IGF1R: variants seen among roughly 807,000 people sequenced by gnomAD.
IGF1R encodes the protein insulin like growth factor 1 receptor.
A neutral mutation model predicts 144.6 loss-of-function variants in IGF1R; 44 were observed. That is an observed-to-expected ratio of 0.30 (90% CI 0.24 to 0.39). The LOEUF is 0.39. Ranked by LOEUF, IGF1R falls within the 10% of genes least tolerant of loss-of-function variation. The probability of loss-of-function intolerance (pLI) is 1.00; values close to 1 mark genes in which losing one functional copy is unlikely to be tolerated. For synonymous variants in IGF1R, 795 were observed against 722.8 expected (o/e 1.10, Z -1.60); for missense variants, 1,355 against 1,833.7 (o/e 0.74, Z 4.77).
chr15:98,744,229 G>C lies in IGF1R; in HGVS notation c.640+36122G>C, dbSNP rs957099043. Among the ~76,000 whole-genome samples, 14 of 152,032 alleles carry C rather than the reference G, an allele frequency of 9.2e-5. 1 individual carries two copies. The highest frequency in any genetic ancestry group is 3.4e-4 in the African/African-American group (14 of 41,392). The stretch of plus-strand genomic sequence containing the variant: ...GATCATGAGCTGTAAAGGGACCCAG[G>C]TGGCTCCAGCACAGCGAGGAAAGCA... On this transcript the variant is annotated intron_variant, in intron 2 of 20. Coordinates refer to ENST00000650285, the MANE Select transcript of IGF1R (RefSeq NM_000875.5).
At chr15:98,844,562 A>C (rs961954281) in intron 2 of IGF1R, among the ~76,000 whole-genome samples, 16 of 152,108 alleles carry the variant, frequency 1.1e-4, no homozygotes, top group African/African-American at 3.9e-4. Flanking sequence ...AGGCTTGTGT[A>C]AATGTAACTG....
At position 98,829,581 on chromosome 15, in the gene IGF1R, T is replaced by C. The variant is rs1055506036; in HGVS notation, c.641-61744T>C. On this transcript the variant is annotated intron_variant, in intron 2 of 20. Coordinates refer to ENST00000650285, the MANE Select transcript of IGF1R (RefSeq NM_000875.5). ...TCGTTTTGTGGAATAATTTTTAACA[T>C]TTCTATTTAGCATTCATGATACTCT... Among the ~76,000 whole-genome samples, 14 of 152,210 alleles carry C rather than the reference T, an allele frequency of 9.2e-5. No homozygotes were observed. The East Asian group carries it at 2.5e-3, about 27-fold the overall frequency.
chr15:98,705,722 C>T (rs779367448), intron 1 of IGF1R, among the ~76,000 whole-genome samples: 1 of 152,142 alleles, frequency 6.6e-6, no homozygotes, highest in Non-Finnish European at 1.5e-5. Context: ...TTCTTCTCTC[C>T]CTCGTCTGTT....
intron 2 of IGF1R, among the ~76,000 whole-genome samples, chr15:98,809,372 T>A (rs1596321029): frequency 6.6e-6 from 1 of 152,324 alleles, no homozygotes; most frequent in South Asian, 2.1e-4. Flanking sequence ...AGGGCTTCCT[T>A]CTGCGAAGGT....
intron 5 of IGF1R, among the ~76,000 whole-genome samples, chr15:98,905,699 G>A (rs1005485175): frequency 6.6e-6 from 1 of 151,580 alleles, no homozygotes; most frequent in Non-Finnish European, 1.5e-5. Flanking sequence ...ATTTTTAAAA[G>A]CATTCTTTGA....
intron 13 of IGF1R, among the ~76,000 whole-genome samples, chr15:98,928,848 A>G (rs1053306528): frequency 3.3e-5 from 5 of 152,060 alleles, no homozygotes; most frequent in African/African-American, 1.2e-4. Flanking sequence ...CTGTGGTCTT[A>G]GACTTGTAGC....
At chr15:98,692,531 A>C (rs1254636427) in intron 1 of IGF1R, among the ~76,000 whole-genome samples, 10 of 152,150 alleles carry the variant, frequency 6.6e-5, no homozygotes, top group Admixed American at 2.0e-4. Context: ...CTTAGTGTGC[A>C]TTTCTCTAAT....
At chr15:98,846,577 T>C (rs188716085) in intron 2 of IGF1R, among the ~76,000 whole-genome samples, 1 of 152,308 alleles carries the variant, frequency 6.6e-6, no homozygotes, top group Admixed American at 6.5e-5. Flanking sequence ...CACACGGTGA[T>C]GGTAACAGAG....
chr15:98,934,636 C>T (rs189875979), intron 15 of IGF1R, among the ~76,000 whole-genome samples, 188 bp from the exon 16 acceptor site: 112 of 152,284 alleles, frequency 7.4e-4, no homozygotes, highest in African/African-American at 2.5e-3. Flanking sequence ...CTAGTACTGA[C>T]TGTACAGTTT....
intron 8 of IGF1R, among the ~76,000 whole-genome samples, chr15:98,913,973 G>T (rs1013062620): frequency 6.6e-6 from 1 of 152,140 alleles, no homozygotes; most frequent in Non-Finnish European, 1.5e-5. Flanking sequence ...GTGTAGCCTG[G>T]GTGGCTTATA....
intron 13 of IGF1R, among the ~76,000 whole-genome samples, chr15:98,927,919 C>G (rs544725145): frequency 1.8e-3 from 267 of 152,266 alleles, no homozygotes; most frequent in African/African-American, 6.2e-3. Context: ...CCAGAGAGGT[C>G]TCAGATTCCT....
chr15:98,731,593 G>A (rs939623245), intron 2 of IGF1R, among the ~76,000 whole-genome samples: 1 of 152,222 alleles, frequency 6.6e-6, no homozygotes, highest in Non-Finnish European at 1.5e-5. Context: ...GCCTCTTCTA[G>A]GGAGGGGTGG....
At chr15:98,661,330 G>A (rs765617118) in intron 1 of IGF1R, among the ~76,000 whole-genome samples, 37 of 152,176 alleles carry the variant, frequency 2.4e-4, no homozygotes, top group Non-Finnish European at 4.1e-4. Flanking sequence ...GCCAGCTCCC[G>A]ACCTCTGGAC....
intron 13 of IGF1R, among the ~76,000 whole-genome samples, chr15:98,925,713 G>A (rs1219095617): frequency 6.6e-6 from 1 of 152,216 alleles, no homozygotes; most frequent in Non-Finnish European, 1.5e-5. Flanking sequence ...GACTAGCCTG[G>A]CCAACATGGG....
At chr15:98,708,153 C>T (rs1370371558) in intron 2 of IGF1R, 46 bp downstream of exon 2, 2 of 1,506,910 alleles carry the variant, frequency 1.3e-6, no homozygotes, top group Middle Eastern at 2.2e-4. Context: ...TCTCTCTCTC[C>T]TCTCCTCCTC....
At chr15:98,775,055 A>G (rs1281074860) in intron 2 of IGF1R, among the ~76,000 whole-genome samples, 1 of 152,114 alleles carries the variant, frequency 6.6e-6, no homozygotes, top group African/African-American at 2.4e-5. Flanking sequence ...GAGGTTAATA[A>G]TAACCTGCCT....
intron 2 of IGF1R, among the ~76,000 whole-genome samples, chr15:98,887,811 T>C (rs1320408944): frequency 6.6e-6 from 1 of 152,238 alleles, no homozygotes; most frequent in Non-Finnish European, 1.5e-5. Context: ...CCCTCTCTTC[T>C]TTCAGCCCTA....
chr15:98,824,469 A>T (rs911293587), intron 2 of IGF1R, among the ~76,000 whole-genome samples: 1 of 152,206 alleles, frequency 6.6e-6, no homozygotes, highest in Non-Finnish European at 1.5e-5. Context: ...CGTTTAGGTA[A>T]GGTACTCATA....
intron 20 of IGF1R, among the ~76,000 whole-genome samples, chr15:98,955,285 A>T (rs1339044081): frequency 6.6e-6 from 1 of 152,224 alleles, no homozygotes; most frequent in African/African-American, 2.4e-5. Flanking sequence ...GGCCACATGG[A>T]ACTCTCCAAA....
Sources: gnomAD v4.1 joint callset for allele counts (sites outside exome capture counted in the v4.1 genomes callset) on GRCh38, gnomAD v4.1.1 for gene constraint, MANE v1.5 for transcripts, NCBI Gene and HGNC (gene_info 2026-07-23, HGNC 2026-07-21) for gene names.